Variants in ACOT11 observed in about 807,000 individuals in gnomAD.
ACOT11 encodes acyl-coenzyme A thioesterase 11.
A neutral mutation model predicts 77.5 loss-of-function variants in ACOT11; 69 were observed. The observed-to-expected ratio is 0.89, with a 90% CI of 0.73 to 1.09. The LOEUF is 1.09. Ranked by LOEUF, ACOT11 falls within the 50% of genes least tolerant of loss-of-function variation. ACOT11 has a pLI of 0.00. For missense variants in ACOT11, 766 were observed against 813.7 expected (o/e 0.94, Z 0.71); for synonymous variants, 279 against 313.0 (o/e 0.89, Z 1.15).
chr1:54,551,040 C>G (rs565216672), intron 1 of ACOT11, among the ~76,000 whole-genome samples: 1 of 148,980 alleles, frequency 6.7e-6, no homozygotes, highest in Non-Finnish European at 1.5e-5. Context: ...CTCGGGATGC[C>G]GAGGCAGGAG....
chr1:54,564,520 G>A (rs1290548104), intron 1 of ACOT11, among the ~76,000 whole-genome samples: 1 of 152,252 alleles, frequency 6.6e-6, no homozygotes, highest in South Asian at 2.1e-4. Context: ...ACGTGGACTC[G>A]GTGAGAGGTC....
intron 10 of ACOT11, among the ~76,000 whole-genome samples, chr1:54,602,949 A>T (rs1431912356): frequency 6.6e-6 from 1 of 152,224 alleles, no homozygotes; most frequent in Non-Finnish European, 1.5e-5. Context: ...GGACACACAA[A>T]TATCATCAGC....
intron 15 of ACOT11, chr1:54,623,416 GC>G: frequency 6.3e-7 from 1 of 1,586,522 alleles, no homozygotes; most frequent in South Asian, 1.1e-5. Flanking sequence ...TCTGGGGAAT[GC>G]CCCCAACTCC....
intron 16 of ACOT11, among the ~76,000 whole-genome samples, chr1:54,634,464 TTCA>T (rs1439757128): frequency 6.6e-6 from 1 of 152,184 alleles, no homozygotes; most frequent in Non-Finnish European, 1.5e-5. Flanking sequence ...TTTCTGATTC[TTCA>T]TATGTGGTTC....
chr1:54,563,326 T>G (rs1469793278), intron 1 of ACOT11, among the ~76,000 whole-genome samples: 1 of 151,996 alleles, frequency 6.6e-6, no homozygotes, highest in Non-Finnish European at 1.5e-5. Context: ...TAGAAATGGC[T>G]TTGGTATTGA....
intron 16 of ACOT11, chr1:54,630,972 C>T (rs1644296641): frequency 1.9e-6 from 1 of 538,064 alleles, no homozygotes; most frequent in Non-Finnish European, 3.4e-6. Context: ...AACTTTTTCA[C>T]ACTGATAACG....
intron 1 of ACOT11, among the ~76,000 whole-genome samples, chr1:54,553,555 G>A (rs895477029): frequency 3.3e-5 from 5 of 151,798 alleles, no homozygotes; most frequent in African/African-American, 1.2e-4. Flanking sequence ...TATACATTAT[G>A]TTATGACTAA....
chr1:54,565,167 G>A (rs963304427), intron 1 of ACOT11, among the ~76,000 whole-genome samples: 5 of 152,204 alleles, frequency 3.3e-5, no homozygotes, highest in Non-Finnish European at 5.9e-5. Context: ...CAAGGAGAAG[G>A]TGTGTCTGTG....
intron 1 of ACOT11, 86 bp downstream of exon 1, chr1:54,548,428 C>G: frequency 1.4e-6 from 2 of 1,456,092 alleles, no homozygotes; most frequent in Non-Finnish European, 1.9e-6. Flanking sequence ...AACTCAGACG[C>G]TCTGCATCTC....
chr1:54,598,868 G>C (rs1283184367), intron 7 of ACOT11: 1 of 145,088 alleles, frequency 6.9e-6, no homozygotes, highest in East Asian at 2.0e-4. Context: ...AGAGAGGCCA[G>C]GTGTGGTGGC....
Position 54,609,530 on chromosome 1 carries a change from T to TCATG in ACOT11, c.*419_*420insATGC. ...AGGTTGCCAGAGCCCCTGGCACAAC[T>TCATG]CTAGCATATCTGTGAGCAGCTGTTC... is the stretch of plus-strand genomic sequence containing the variant. On this transcript the variant is annotated 3_prime_UTR_variant, in exon 16 of 16. Transcript: ENST00000343744. 1 of 1,612,998 alleles carries TCATG rather than the reference T, an allele frequency of 6.2e-7. No individual in the cohort carries two copies. Among genetic ancestry groups the TCATG allele is most frequent in the Non-Finnish European group, 8.5e-7 (1 of 1,180,034 alleles).
rs2100929265 is a variant in ACOT11, at chr1:54,548,240, G to C, written c.-70G>C. 6.4e-7 allele frequency: 1 copy of C among 1,551,232 alleles called. No homozygotes were observed. The highest frequency in any genetic ancestry group is 2.4e-5 in the East Asian group (1 of 41,840). On this transcript the variant is annotated 5_prime_UTR_variant, in exon 1 of 16. Coordinates refer to ENST00000343744, the MANE Select transcript of ACOT11 (RefSeq NM_147161.4). ...GCCCACAGGCTTCATTTGGAGTCAG[G>C]CCTGGCTGTTGCTCAGGTGACCAGC...
chr1:54,598,840 C>CA (rs898488192), intron 7 of ACOT11: 4,430 of 59,886 alleles, frequency 0.074, 408 homozygotes, highest in African/African-American at 0.25. Context: ...AACCCTGTCT[C>CA]AAAAAAAAAA....
downstream of ACOT11, among the ~76,000 whole-genome samples, chr1:54,613,459 T>C (rs1644139792): frequency 6.6e-6 from 1 of 151,964 alleles, no homozygotes; most frequent in Non-Finnish European, 1.5e-5. Context: ...CATGTCTTTC[T>C]CTCTTTTCTT....
chr1:54,602,581 T>G, intron 9 of ACOT11, 88 bp from the exon 10 acceptor site: 1 of 1,287,368 alleles, frequency 7.8e-7, no homozygotes, highest in Non-Finnish European at 1.0e-6. Flanking sequence ...ACGTTAGGGC[T>G]GCAGGAACTC....
intron 6 of ACOT11, 41 bp from the exon 7 acceptor site, chr1:54,597,218 C>G (rs1445790927): frequency 1.2e-6 from 2 of 1,603,950 alleles, no homozygotes; most frequent in Non-Finnish European, 1.7e-6. Flanking sequence ...TGGGAATGTT[C>G]TCACCTCCCT....
rs1349404092 is a variant in ACOT11 at position 54,609,693 on chromosome 1, C to A, written c.*581C>A. The A allele has an allele frequency of 2.5e-6, 4 of 1,614,014 alleles. No homozygotes were observed. In the South Asian group the frequency reaches 3.3e-5, roughly 13 times the overall value. ...GAAAAACTCCCGTGGGAGATTTTGG[C>A]CCCAACCCACACAGGCCAATGCAAG... On this transcript the variant is annotated 3_prime_UTR_variant, in exon 16 of 16. Transcript: ENST00000343744.
At chr1:54,574,880 C>T (rs1654053011) in intron 1 of ACOT11, among the ~76,000 whole-genome samples, 1 of 152,250 alleles carries the variant, frequency 6.6e-6, no homozygotes, top group Admixed American at 6.5e-5. Context: ...CTTGACACCG[C>T]TTCCTCACAC....
At chr1:54,635,979 A>C (rs1358118704) in exon 17 of ACOT11, 4 of 152,316 alleles carry the variant, frequency 2.6e-5, no homozygotes, top group Non-Finnish European at 4.4e-5. Flanking sequence ...CTTAAGCCAC[A>C]AACAAAAGCA....
Sources: allele counts gnomAD v4.1 joint callset (sites outside exome capture counted in the v4.1 genomes callset), GRCh38; gene constraint gnomAD v4.1.1; transcripts MANE v1.5; gene names NCBI Gene and HGNC (gene_info 2026-07-23, HGNC 2026-07-21).